Variants in GRM7 observed in about 807,000 individuals in gnomAD.
GRM7 encodes glutamate metabotropic receptor 7, also known as metabotropic glutamate receptor 7.
GRM7 carries 35 observed loss-of-function variants against 84.5 expected under a neutral mutation model. The ratio of observed to expected loss-of-function variants is 0.41; its 90% confidence interval spans 0.32 to 0.55. GRM7 has a LOEUF of 0.55. Among genes scored for constraint, GRM7 ranks in the 20% least tolerant of loss-of-function variants. GRM7 has a pLI of 0.19. For missense variants in GRM7, 1,003 were observed against 1,194.6 expected (o/e 0.84, Z 2.36); for synonymous variants, 487 against 455.1 (o/e 1.07, Z -0.89).
At chr3:7,235,232 T>G (rs191291653) in intron 2 of GRM7, among the ~76,000 whole-genome samples, 61 of 152,274 alleles carry the variant, frequency 4.0e-4, no homozygotes, top group Non-Finnish European at 5.6e-4. Context: ...ATGTCCTGAG[T>G]GTTTGTACAG....
At chr3:7,108,534 C>T (rs1027566844) in intron 1 of GRM7, among the ~76,000 whole-genome samples, 1 of 150,876 alleles carries the variant, frequency 6.6e-6, no homozygotes, top group Non-Finnish European at 1.5e-5. Flanking sequence ...GATTCTTGCC[C>T]TCTTGAGTTT....
chr3:7,659,614 A>G lies in GRM7; in HGVS notation c.2452-20435A>G, dbSNP rs190757046. ...CATCTGTTCACAGGTAGCACACACC[A>G]TTATGTAAGTGAGACATCTGGTTTT... On this transcript the variant is annotated intron_variant, in intron 8 of 9. Coordinates refer to ENST00000357716, the MANE Select transcript of GRM7 (RefSeq NM_000844.4). Among the ~76,000 whole-genome samples, 432 of 152,330 alleles carry G rather than the reference A, an allele frequency of 2.8e-3. 7 individuals are homozygous for G. The highest frequency in any genetic ancestry group is 0.017 in the Middle Eastern group (5 of 294).
intron 6 of GRM7, among the ~76,000 whole-genome samples, chr3:7,454,090 ACTCTCTCTCTCTCT>A (rs58338960): frequency 5.3e-4 from 75 of 140,208 alleles, no homozygotes; most frequent in African/African-American, 1.1e-3. Flanking sequence ...CTACACACAC[ACTCTCTCTCTCTCT>A]CTCTCTCTCT....
intron 1 of GRM7, among the ~76,000 whole-genome samples, chr3:7,102,055 T>C (rs931017840): frequency 6.6e-6 from 1 of 151,588 alleles, no homozygotes; most frequent in African/African-American, 2.4e-5. Flanking sequence ...TAATGTAAAA[T>C]TTTTTTCTTT....
chr3:7,407,811 T>C lies in GRM7; in HGVS notation c.1034-7212T>C, dbSNP rs966392324. ...GGCAGGATTCAAATTCAGGTCTATC[T>C]GACTGCAAAGCGAGGCTTTTCATGC... On this transcript the variant is annotated intron_variant, in intron 4 of 9. Transcript: ENST00000357716. Among the ~76,000 whole-genome samples the C allele has an allele frequency of 2.6e-5, 4 of 152,240 alleles. No individual in the cohort carries two copies. The East Asian group carries it at 7.7e-4, about 29-fold the overall frequency.
rs567927106 is a variant in GRM7, at chr3:7,017,091, C to A, written c.520-129361C>A. On this transcript the variant is annotated intron_variant, in intron 1 of 9. Coordinates refer to ENST00000357716, the MANE Select transcript of GRM7 (RefSeq NM_000844.4). ...AACTTGGGAGCCATTGCTCTAATGA[C>A]ACATGCTATTGCTGTCTCTAAGAAG... is the stretch of plus-strand genomic sequence containing the variant. Among the ~76,000 whole-genome samples, 7 of 152,306 alleles carry A rather than the reference C, an allele frequency of 4.6e-5. No homozygotes were observed. In the East Asian group the frequency reaches 1.2e-3, roughly 25 times the overall value.
intron 1 of GRM7, among the ~76,000 whole-genome samples, chr3:6,905,139 G>A (rs1030825466): frequency 1.3e-5 from 2 of 151,836 alleles, no homozygotes; most frequent in Non-Finnish European, 1.5e-5. Context: ...GCTTTTTCAC[G>A]CTGTCCTTAA....
chr3:7,553,389 C>T (rs1231334306), intron 7 of GRM7, among the ~76,000 whole-genome samples: 1 of 152,222 alleles, frequency 6.6e-6, no homozygotes, highest in Non-Finnish European at 1.5e-5. Flanking sequence ...CCAACCTCTG[C>T]CTGTTATCCA....
intron 1 of GRM7, among the ~76,000 whole-genome samples, chr3:7,044,624 T>G (rs2124945687): frequency 6.6e-6 from 1 of 152,328 alleles, no homozygotes; most frequent in African/African-American, 2.4e-5. Flanking sequence ...ATTTTCAATT[T>G]AAAAGACTTA....
At chr3:6,873,619 G>C (rs552104684) in intron 1 of GRM7, among the ~76,000 whole-genome samples, 1 of 152,150 alleles carries the variant, frequency 6.6e-6, no homozygotes, top group East Asian at 1.9e-4. Context: ...CTACCACACA[G>C]TGAGGTCTAT....
chr3:7,179,462 C>T (rs573515219), intron 2 of GRM7, among the ~76,000 whole-genome samples: 25 of 152,326 alleles, frequency 1.6e-4, no homozygotes, highest in African/African-American at 5.8e-4. Flanking sequence ...AATGTTTTCT[C>T]ATTTAGATTA....
chr3:7,269,568 T>G (rs1296675205), intron 2 of GRM7, among the ~76,000 whole-genome samples: 1 of 152,244 alleles, frequency 6.6e-6, no homozygotes, highest in African/African-American at 2.4e-5. Flanking sequence ...AAGGGCCATG[T>G]ACTACCTCCC....
At chr3:6,890,391 A>G (rs1490283463) in intron 1 of GRM7, among the ~76,000 whole-genome samples, 1 of 151,814 alleles carries the variant, frequency 6.6e-6, no homozygotes, top group Non-Finnish European at 1.5e-5. Context: ...TTCTCTCTAC[A>G]CACTGCTTTG....
At chr3:7,300,875 G>A (rs1699975364) in intron 3 of GRM7, among the ~76,000 whole-genome samples, 1 of 152,130 alleles carries the variant, frequency 6.6e-6, no homozygotes, top group Non-Finnish European at 1.5e-5. Context: ...CAGAAATGAT[G>A]CTTCTTTCGA....
At chr3:6,971,864 G>A (rs1431073583) in intron 1 of GRM7, among the ~76,000 whole-genome samples, 2 of 152,014 alleles carry the variant, frequency 1.3e-5, no homozygotes, top group Non-Finnish European at 2.9e-5. Flanking sequence ...CATCATGGTT[G>A]TTTTATTAAA....
At chr3:7,639,390 A>T (rs141568534) in intron 8 of GRM7, among the ~76,000 whole-genome samples, 1 of 152,280 alleles carries the variant, frequency 6.6e-6, no homozygotes. Context: ...TAATTCCCCA[A>T]GCTGCCCTTC....
intron 2 of GRM7, among the ~76,000 whole-genome samples, chr3:7,201,117 C>T (rs1696055059): frequency 6.6e-6 from 1 of 151,664 alleles, no homozygotes. Flanking sequence ...CTACAGACAC[C>T]CACCACCACG....
chr3:7,525,014 A>G (rs1218516358), intron 7 of GRM7, among the ~76,000 whole-genome samples: 1 of 150,616 alleles, frequency 6.6e-6, no homozygotes, highest in African/African-American at 2.5e-5. Context: ...CTATCACAAG[A>G]ACAAAAAACC....
At chr3:7,000,861 A>G (rs1422266546) in intron 1 of GRM7, among the ~76,000 whole-genome samples, 1 of 152,240 alleles carries the variant, frequency 6.6e-6, no homozygotes, top group African/African-American at 2.4e-5. Flanking sequence ...AGAGCAAGTC[A>G]GAGGATAGAG....
Sources: allele counts gnomAD v4.1 joint callset (sites outside exome capture counted in the v4.1 genomes callset), GRCh38; gene constraint gnomAD v4.1.1; transcripts MANE v1.5; gene names NCBI Gene and HGNC (gene_info 2026-07-23, HGNC 2026-07-21).